ATP2B2: variants seen among roughly 807,000 people sequenced by gnomAD.
ATP2B2 encodes the protein plasma membrane calcium-transporting ATPase 2.
Under a neutral mutation model 120.0 loss-of-function variants are expected in ATP2B2, and 15 were observed. That is an observed-to-expected ratio of 0.12 (90% CI 0.08 to 0.19). The LOEUF (loss-of-function observed/expected upper bound fraction) is 0.19, where lower values mean the gene tolerates loss of function less well. Among genes scored for constraint, ATP2B2 ranks in the 10% least tolerant of loss-of-function variants. ATP2B2 has a pLI of 1.00. For missense variants in ATP2B2, 1,045 were observed against 1,719.8 expected, an observed-to-expected ratio of 0.61 and a Z score of 6.94; for synonymous variants, 694 against 700.3, an observed-to-expected ratio of 0.99 and a Z score of 0.14.
intron 12 of ATP2B2, among the ~76,000 whole-genome samples, chr3:10,363,429 A>C (rs1477929195): frequency 1.3e-5 from 2 of 152,238 alleles, no homozygotes; most frequent in African/African-American, 2.4e-5. Context: ...AGGGACCTGC[A>C]GAGGGTCAGG....
intron 1 of ATP2B2, among the ~76,000 whole-genome samples, chr3:10,479,628 A>G (rs546994769): frequency 6.6e-6 from 1 of 152,266 alleles, no homozygotes; most frequent in Admixed American, 6.5e-5. Flanking sequence ...GCTATTATGC[A>G]TATTATATAT....
At chr3:10,336,200 G>A (rs974125412) in intron 22 of ATP2B2, 3 of 1,550,726 alleles carry the variant, frequency 1.9e-6, no homozygotes, top group Admixed American at 3.9e-5. Context: ...ACTAGGGCTA[G>A]AGAGATTGGC....
chr3:10,701,502 G>A lies in ATP2B2; in HGVS notation c.-460+6413C>T, dbSNP rs569234165. Among the ~76,000 whole-genome samples the A allele has an allele frequency of 7.2e-5, 11 of 152,292 alleles. No homozygotes were observed. The South Asian group carries it at 2.1e-3, about 29-fold the overall frequency. ...CTCATCCTAGAGAGTTGTTTTCATT[G>A]TGGTTGTACCCATCGTTGTTGTTGA... On this transcript the variant is annotated intron_variant, in intron 1 of 21. Transcript: ENST00000646379.
At chr3:10,374,392 C>A (rs73811902) in intron 11 of ATP2B2, among the ~76,000 whole-genome samples, 16 of 152,292 alleles carry the variant, frequency 1.1e-4, no homozygotes, top group Admixed American at 6.5e-4. Context: ...CACTTTCTGG[C>A]GTCTGTCTAG....
intron 1 of ATP2B2, among the ~76,000 whole-genome samples, chr3:10,701,862 G>A (rs913092516): frequency 2.2e-4 from 33 of 151,872 alleles, no homozygotes; most frequent in African/African-American, 7.7e-4. Context: ...ATGTGCCTAC[G>A]TCTGAGCATA....
chr3:10,508,766 G>A (rs1219470687), upstream of ATP2B2, among the ~76,000 whole-genome samples: 2 of 152,180 alleles, frequency 1.3e-5, no homozygotes, highest in African/African-American at 4.8e-5. Context: ...GACAAACAAT[G>A]GCACTAGTGT....
chr3:10,407,680 G>A (rs1322948603), intron 3 of ATP2B2, among the ~76,000 whole-genome samples: 1 of 152,196 alleles, frequency 6.6e-6, no homozygotes, highest in East Asian at 1.9e-4. Context: ...GCTCTAATAT[G>A]CTCACACTGT....
chr3:10,475,032 A>T lies in ATP2B2; in HGVS notation c.-319-25170T>A, dbSNP rs544388888. Among the ~76,000 whole-genome samples the T allele has an allele frequency of 2.0e-5, 3 of 152,100 alleles. No individual in the cohort carries two copies. In the East Asian group the frequency reaches 5.8e-4, roughly 29 times the overall value. ...TGGGCTGAGAATGTCCGAATTAACC[A>T]CTTCCAGTTTCAGCCTGGGCTTCTG... On this transcript the variant is annotated intron_variant, in intron 1 of 22. Transcript: ENST00000360273.
At chr3:10,379,154 C>G in intron 9 of ATP2B2, 89 bp downstream of exon 9, 1 of 1,469,876 alleles carries the variant, frequency 6.8e-7, no homozygotes, top group South Asian at 1.2e-5. Context: ...GCCTCTGGCC[C>G]TTGCCAGTCT....
intron 11 of ATP2B2, 68 bp from the exon 12 acceptor site, chr3:10,372,119 G>A: frequency 6.2e-7 from 1 of 1,607,042 alleles, no homozygotes; most frequent in Non-Finnish European, 8.5e-7. Flanking sequence ...GTGCCTGGAG[G>A]CACTGGGTAA....
At position 10,325,245 on chromosome 3, in the gene ATP2B2, A is replaced by T. The variant is rs1344572170; in HGVS notation, c.*3569T>A. 1 of 152,228 alleles carries T rather than the reference A, an allele frequency of 6.6e-6. No individual in the cohort carries two copies. The highest frequency in any genetic ancestry group is 1.5e-5 in the Non-Finnish European group (1 of 68,048). The allele number at this position is 152,228 out of a possible 1,614,324, so 9.4% of individuals were successfully genotyped here. A position where few individuals can be genotyped will look rare whatever the true frequency, so the allele number is the denominator to read the frequency against. ...GACAGGGGGTGGAGGACTGGGCACAATTTAAAGTTTATGTGGAAGAATAGA... is the reference window on the plus strand; with the variant it reads ...GACAGGGGGTGGAGGACTGGGCACATTTTAAAGTTTATGTGGAAGAATAGA... On this transcript the variant is annotated 3_prime_UTR_variant, in exon 23 of 23. Transcript: ENST00000360273.
intron 1 of ATP2B2, among the ~76,000 whole-genome samples, chr3:10,478,693 C>T (rs934999067): frequency 6.6e-6 from 1 of 152,216 alleles, no homozygotes; most frequent in South Asian, 2.1e-4. Flanking sequence ...TCATTTTCCT[C>T]CTTCCTACAT....
In ATP2B2 at chr3:10,622,281, C is replaced by T. The variant is rs145270587; in HGVS notation, c.-459-2320G>A. On this transcript the variant is annotated intron_variant, in intron 1 of 21. Transcript: ENST00000646379. ...ACTTTTGGGATGAAAGATTGATGAG[C>T]AATCTGTCCTCACTAGTGAATTTTT... Among the ~76,000 whole-genome samples the T allele has an allele frequency of 7.7e-4, 118 of 152,284 alleles. 1 individual carries two copies. Among genetic ancestry groups the T allele is most frequent in the African/African-American group, 2.8e-3 (117 of 41,546 alleles).
At chr3:10,514,165 T>C (rs538428228) in intron 3 of ATP2B2, among the ~76,000 whole-genome samples, 2 of 152,084 alleles carry the variant, frequency 1.3e-5, no homozygotes, top group East Asian at 3.9e-4. Flanking sequence ...GTAAGTGCAG[T>C]TGGGATTTGG....
intron 2 of ATP2B2, among the ~76,000 whole-genome samples, chr3:10,550,860 G>A (rs2067653140): frequency 1.3e-5 from 2 of 152,220 alleles, no homozygotes; most frequent in South Asian, 4.1e-4. Context: ...AGAGACAGAA[G>A]CTGTTATGCA....
At chr3:10,599,153 A>G (rs2068838991) in intron 2 of ATP2B2, among the ~76,000 whole-genome samples, 1 of 152,334 alleles carries the variant, frequency 6.6e-6, no homozygotes, top group South Asian at 2.1e-4. Context: ...AGACTCAAAC[A>G]TGTAGCTCAG....
intron 2 of ATP2B2, among the ~76,000 whole-genome samples, chr3:10,432,978 C>T (rs1336353044): frequency 1.3e-5 from 2 of 152,140 alleles, no homozygotes; most frequent in African/African-American, 4.8e-5. Flanking sequence ...TGCAGACAGG[C>T]ACCTCCACAC....
At chr3:10,598,920 A>G (rs1165375738) in intron 2 of ATP2B2, among the ~76,000 whole-genome samples, 1 of 152,204 alleles carries the variant, frequency 6.6e-6, no homozygotes, top group African/African-American at 2.4e-5. Flanking sequence ...TGGATCTAAT[A>G]AGACGTTTAT....
intron 22 of ATP2B2, among the ~76,000 whole-genome samples, chr3:10,334,713 G>A (rs374428655): frequency 2.6e-4 from 40 of 152,316 alleles, no homozygotes; most frequent in African/African-American, 6.0e-4. Flanking sequence ...GCTATGGGTC[G>A]TGGACATTTG....
Sources: allele counts gnomAD v4.1 joint callset (sites outside exome capture counted in the v4.1 genomes callset), GRCh38; gene constraint gnomAD v4.1.1; transcripts MANE v1.5; gene names NCBI Gene and HGNC (gene_info 2026-07-23, HGNC 2026-07-21).